The following EBF3 variants were observed in gnomAD, a reference collection of about 807,000 sequenced individuals.
EBF3 encodes the protein EBF transcription factor 3.
In EBF3, 18 loss-of-function variants were observed where a neutral mutation model predicts 77.1. The observed-to-expected ratio is 0.23, with a 90% confidence interval of 0.16 to 0.35. The LOEUF (loss-of-function observed/expected upper bound fraction) is 0.35, where lower values mean the gene tolerates loss of function less well. Ranked by LOEUF, EBF3 falls within the 10% of genes least tolerant of loss-of-function variation. The pLI is 1.00. For synonymous variants in EBF3, 350 were observed against 343.5 expected, an observed-to-expected ratio of 1.02 and a Z score of -0.21; for missense variants, 558 against 860.0, an observed-to-expected ratio of 0.65 and a Z score of 4.39.
At position 129,897,120 on chromosome 10, in the gene EBF3, G is replaced by A. The variant is rs1175066476; in HGVS notation, c.555-19271C>T. Among the ~76,000 whole-genome samples the A allele has an allele frequency of 6.6e-6, 1 of 152,220 alleles. No individual in the cohort carries two copies. The highest frequency in any genetic ancestry group is 1.5e-5 in the Non-Finnish European group (1 of 68,038). ...ACGGGCAGTTGGAGCTGGGAGACAG[G>A]AAGACAAAGCCGGTCTCCTTTCGGG... On this transcript the variant is annotated intron_variant, in intron 6 of 16. Transcript: ENST00000440978. The surrounding 1 kb of genome is among the most constrained non-coding windows in gnomAD (Gnocchi z 4.6).
intron 6 of EBF3, among the ~76,000 whole-genome samples, chr10:129,942,392 G>A (rs948401245): frequency 3.3e-5 from 5 of 152,146 alleles, no homozygotes; most frequent in Admixed American, 3.3e-4. Context: ...ACTGACGCTG[G>A]GGGAAAGGCC....
intron 6 of EBF3, among the ~76,000 whole-genome samples, chr10:129,954,889 C>T (rs150105629): frequency 2.6e-5 from 4 of 152,238 alleles, no homozygotes; most frequent in East Asian, 1.9e-4. Flanking sequence ...AGAAACTCAA[C>T]ATAAGCAACT....
intron 7 of EBF3, among the ~76,000 whole-genome samples, chr10:129,875,986 T>C (rs570263094): frequency 5.9e-5 from 9 of 152,350 alleles, no homozygotes; most frequent in African/African-American, 2.2e-4. Context: ...CTTTTTACGT[T>C]CCTAAACATG....
intron 6 of EBF3, among the ~76,000 whole-genome samples, chr10:129,883,454 TG>T (rs1434809124): frequency 6.6e-6 from 1 of 152,034 alleles, no homozygotes; most frequent in East Asian, 1.9e-4. Flanking sequence ...TTGTGGGGGA[TG>T]GGGGGAACCT....
At chr10:129,838,230 G>A (rs946462314) in intron 16 of EBF3, among the ~76,000 whole-genome samples, 12 of 152,378 alleles carry the variant, frequency 7.9e-5, no homozygotes, top group Middle Eastern at 3.4e-3. Flanking sequence ...AAAGGGAAGG[G>A]CTCCTGGCAC....
intron 6 of EBF3, among the ~76,000 whole-genome samples, chr10:129,946,281 GTAAAT>G (rs1858220386): frequency 6.6e-6 from 1 of 152,202 alleles, no homozygotes; most frequent in South Asian, 2.1e-4. Context: ...CTGAAACAAT[GTAAAT>G]TAGTTACTGC....
rs1441921433 is a variant in EBF3 at position 129,889,059 on chromosome 10, C to T, written c.555-11210G>A. Among the ~76,000 whole-genome samples, 5 of 152,158 alleles carry T rather than the reference C, an allele frequency of 3.3e-5. No individual in the cohort carries two copies. The East Asian group carries it at 7.7e-4, about 24-fold the overall frequency. ...CGGGGTTTGTGCAACTTTCCAAGAGCTCATGGGAAGGAACCAGCAGCTGTC... is the reference window on the plus strand; with the variant it reads ...CGGGGTTTGTGCAACTTTCCAAGAGTTCATGGGAAGGAACCAGCAGCTGTC... On this transcript the variant is annotated intron_variant, in intron 6 of 16. Coordinates refer to ENST00000440978, the MANE Select transcript of EBF3 (RefSeq NM_001375380.1).
At chr10:129,844,044 A>T (rs1339155038) in intron 11 of EBF3, among the ~76,000 whole-genome samples, 1 of 152,228 alleles carries the variant, frequency 6.6e-6, no homozygotes, top group African/African-American at 2.4e-5. Context: ...CTTTTTAATA[A>T]GCCGAGGCCA....
intron 6 of EBF3, among the ~76,000 whole-genome samples, chr10:129,932,675 A>C (rs1857102802): frequency 6.6e-6 from 1 of 152,146 alleles, no homozygotes; most frequent in African/African-American, 2.4e-5. Context: ...TTTTTCCTGC[A>C]CATTTTGCAT....
rs571851648 is a variant in EBF3, at chr10:129,928,630, G to T, written c.554+28628C>A. Among the ~76,000 whole-genome samples the T allele has an allele frequency of 5.8e-4, 88 of 152,278 alleles. No homozygotes were observed. In the Middle Eastern group the frequency reaches 0.024, roughly 41 times the overall value. ...GAGATATTCCTAGACAGAGAATGTG[G>T]ATTCTGTGTGCAAACTAAGGCCCTC... On this transcript the variant is annotated intron_variant, in intron 6 of 16. Transcript: ENST00000440978.
intron 6 of EBF3, among the ~76,000 whole-genome samples, chr10:129,933,700 T>C (rs1275183335): frequency 6.6e-6 from 1 of 152,170 alleles, no homozygotes; most frequent in East Asian, 1.9e-4. Context: ...CCTCTATTCC[T>C]TTCATCAGCC....
At chr10:129,958,558 A>G (rs911494747) in intron 5 of EBF3, among the ~76,000 whole-genome samples, 3 of 152,202 alleles carry the variant, frequency 2.0e-5, no homozygotes, top group Admixed American at 1.3e-4. Flanking sequence ...CTTTTTATCA[A>G]TAACAGACAA....
At chr10:129,910,836 C>T (rs904082979) in intron 6 of EBF3, among the ~76,000 whole-genome samples, 3 of 152,212 alleles carry the variant, frequency 2.0e-5, no homozygotes, top group African/African-American at 4.8e-5. Context: ...CAAACCTGGC[C>T]TCTGCATGGT....
chr10:129,843,160 A>G lies in EBF3; in HGVS notation c.1171T>C (p.Tyr391His). 1 of 1,613,684 alleles carries G rather than the reference A, an allele frequency of 6.2e-7. No individual in the cohort carries two copies. The highest frequency in any genetic ancestry group is 8.5e-7 in the Non-Finnish European group (1 of 1,179,810). The change falls in exon 12 of 17, where the codon TAC becomes CAC. Residue 391 changes from tyrosine to histidine, a missense_variant. Physicochemically the swap from Tyr to His is moderately conservative, Grantham distance 83. Transcript: ENST00000440978. ...KRAADLVEAL[Y>H]GMPHNNQEII... ...ACCTGGTTGTTGTGAGGCATTCCGT[A>G]TAAGGCTTCCACCAGGTCCGCCGCC... is the stretch of plus-strand genomic sequence containing the variant.
At chr10:129,843,653 C>T (rs781286028) in intron 11 of EBF3, among the ~76,000 whole-genome samples, 1 of 152,238 alleles carries the variant, frequency 6.6e-6, no homozygotes, top group Non-Finnish European at 1.5e-5. Context: ...ATTAAACTGG[C>T]AGAGTCCTTA....
intron 6 of EBF3, among the ~76,000 whole-genome samples, chr10:129,950,495 A>C (rs763599890): frequency 1.2e-4 from 19 of 152,224 alleles, no homozygotes; most frequent in Non-Finnish European, 2.8e-4. Flanking sequence ...ATTGTTGGCA[A>C]ATTTATAGCA....
At chr10:129,890,481 C>T (rs747779849) in intron 6 of EBF3, among the ~76,000 whole-genome samples, 7 of 152,250 alleles carry the variant, frequency 4.6e-5, no homozygotes, top group South Asian at 2.1e-4. Context: ...ACGTGCACAG[C>T]GGGGCCTCCG....
chr10:129,854,512 A>T (rs1851109063), intron 10 of EBF3, among the ~76,000 whole-genome samples: 1 of 152,130 alleles, frequency 6.6e-6, no homozygotes, highest in South Asian at 2.1e-4. Flanking sequence ...ATAGAAAAAA[A>T]AAATCTGCCT....
rs958397895 is a variant in EBF3 at position 129,851,050 on chromosome 10, T to C, written c.1040-2570A>G. On this transcript the variant is annotated intron_variant, in intron 10 of 16. Transcript: ENST00000440978. ...GCCAATCAATACCACTTTCCTGTTT[T>C]AGAACTGGGTAATTATGAGGGGGAG... Among the ~76,000 whole-genome samples the C allele has an allele frequency of 5.3e-5, 8 of 152,238 alleles. 1 individual carries two copies. In the East Asian group the frequency reaches 1.2e-3, roughly 22 times the overall value.
Sources: allele counts gnomAD v4.1 joint callset (sites outside exome capture counted in the v4.1 genomes callset), GRCh38; gene constraint gnomAD v4.1.1; non-coding constraint Gnocchi (gnomAD v3.1); transcripts MANE v1.5; gene names NCBI Gene and HGNC (gene_info 2026-07-23, HGNC 2026-07-21).